Variants in TTN observed in about 807,000 individuals in gnomAD.
TTN encodes the protein titin, also known as connectin.
A neutral mutation model predicts 3,223.0 loss-of-function variants in TTN; 1,525 were observed. The ratio of observed to expected loss-of-function variants is 0.47; its 90% confidence interval spans 0.45 to 0.49. The LOEUF is 0.49. Among genes scored for constraint, TTN ranks in the 20% least tolerant of loss-of-function variants. The pLI, the probability that TTN is intolerant of heterozygous loss-of-function variation, is 0.00. For synonymous variants in TTN, 14,094 were observed against 15,161.0 expected (o/e 0.93, Z 5.17); for missense variants, 40,786 against 43,424.0 (o/e 0.94, Z 5.40).
rs764819788 is a variant in TTN, at chr2:178,780,180, G to A, written c.3549C>T (p.Ser1183=). 13 of 1,613,606 alleles carry A rather than the reference G, an allele frequency of 8.1e-6. No homozygotes were observed. In the African/African-American group the frequency reaches 1.5e-4, roughly 18 times the overall value. Residue 1183 remains serine, a synonymous_variant, in exon 22 of 363, where the codon TCC becomes TCT. Transcript: ENST00000589042. Reference sequence around the variant, plus strand: ...GTGTCTGATAAAGCATTTCTTGCTGGGACTTCATCAGTAACTCATAATCAG... The same window carrying A: ...GTGTCTGATAAAGCATTTCTTGCTGAGACTTCATCAGTAACTCATAATCAG... The part of the protein sequence containing the change: ...EEADYELLMK[S]QQEMLYQTQV...
chr2:178,805,317 C>T (rs1250768518), intron 1 of TTN, among the ~76,000 whole-genome samples: 1 of 142,066 alleles, frequency 7.0e-6, no homozygotes, highest in African/African-American at 2.7e-5. Context: ...ACACTCCAGC[C>T]TGGGTGACAG....
intron 241 of TTN, 90 bp downstream of exon 241, chr2:178,625,183 A>G (rs1383427322): frequency 2.1e-6 from 3 of 1,451,372 alleles, no homozygotes; most frequent in African/African-American, 1.5e-5. Context: ...TTAAACATCT[A>G]TAGTACTCAT....
At position 178,731,550 on chromosome 2, in the gene TTN, G is replaced by C. The variant is rs751087281; in HGVS notation, c.17216C>G (p.Thr5739Ser). Residue 5739 changes from threonine to serine, a missense_variant, in exon 59 of 363, where the codon ACC becomes AGC. By Grantham distance (58) the Thr-to-Ser change is moderately conservative (BLOSUM62 1). Coordinates refer to ENST00000589042, the MANE Select transcript of TTN (RefSeq NM_001267550.2). ...PPSFIKKIES[T>S]SSLRGGTAAF... is the part of the protein sequence containing the mutation. ...AGCTGTGCCTCCCCGGAGGGAGCTG[G>C]TACTCTCGATCTTCTTTATGAAGGA... is the stretch of plus-strand genomic sequence containing the variant. 2 of 1,610,362 alleles carry C rather than the reference G, an allele frequency of 1.2e-6. No homozygotes were observed. The highest frequency in any genetic ancestry group is 2.2e-5 in the South Asian group (2 of 90,812).
chr2:178,555,263 A>G, intron 330 of TTN, 111 bp from the exon 331 acceptor site: 1 of 965,044 alleles, frequency 1.0e-6, no homozygotes, highest in South Asian at 1.6e-5. Flanking sequence ...ATACACACAC[A>G]CCATCATTAT....
chr2:178,589,037 G>T lies in TTN; in HGVS notation c.62688C>A (p.Ile20896=), dbSNP rs1303032825. 1.2e-6 allele frequency: 2 copies of T among 1,609,478 alleles called. No individual in the cohort carries two copies. The highest frequency in any genetic ancestry group is 1.7e-5 in the Admixed American group (1 of 59,904). The change falls in exon 304 of 363, where the codon ATC becomes ATA. Residue 20896 remains isoleucine (I), a synonymous_variant. Coordinates refer to ENST00000589042, the MANE Select transcript of TTN (RefSeq NM_001267550.2). ...CACATTTTTCTAGAATATAATTTTG[G>T]ATTTCACAGCCACCATCATCTTCTG... ...DPPEDDGGCE[I]QNYILEKCET...
At chr2:178,745,524 G>T in intron 47 of TTN, 1 of 1,598,804 alleles carries the variant, frequency 6.3e-7, no homozygotes, top group South Asian at 1.1e-5. Context: ...CACATAATTT[G>T]GAAAATATGA....
chr2:178,700,301 T>A (rs1260650460), intron 111 of TTN, among the ~76,000 whole-genome samples: 1 of 152,230 alleles, frequency 6.6e-6, no homozygotes, highest in Non-Finnish European at 1.5e-5. Context: ...TTGAATTTCC[T>A]CTAAGGCTGG....
intron 147 of TTN, among the ~76,000 whole-genome samples, chr2:178,676,771 G>A (rs973416239): frequency 2.0e-5 from 3 of 151,804 alleles, no homozygotes; most frequent in Non-Finnish European, 4.4e-5. Flanking sequence ...ATTATTCTGT[G>A]TTTTGATAAA....
chr2:178,731,816 T>C lies in TTN; in HGVS notation c.17059A>G (p.Ile5687Val). ...LRSGRKYKTFIQDHLVSLQIL... is the reference protein window; with the variant it reads ...LRSGRKYKTFVQDHLVSLQIL... ...TGCAGGCTAACCAGATGATCCTGAA[T>C]GAAAGTCTTATACTTTCTACCACTT... Residue 5687 changes from isoleucine to valine, a missense_variant, in exon 58 of 363, where the codon ATT becomes GTT. Ile to Val is a conservative substitution (Grantham distance 29). Transcript: ENST00000589042. 1 of 1,613,830 alleles carries C rather than the reference T, an allele frequency of 6.2e-7. No homozygotes were observed.
intron 82 of TTN, 28 bp from the exon 83 acceptor site, chr2:178,719,479 T>C: frequency 1.3e-6 from 2 of 1,596,894 alleles, no homozygotes; most frequent in Non-Finnish European, 1.7e-6. Flanking sequence ...GTTTTGCGTT[T>C]AAAGAGAAGT....
intron 16 of TTN, 78 bp from the exon 17 acceptor site, chr2:178,783,863 T>C: frequency 9.7e-7 from 1 of 1,034,162 alleles, no homozygotes. Flanking sequence ...CATGCAACAT[T>C]ATATAATTAT....
At position 178,571,870 on chromosome 2, in the gene TTN, T is replaced by C. The variant is rs745865847; in HGVS notation, c.74262A>G (p.Val24754=). 1.9e-6 allele frequency: 3 copies of C among 1,613,558 alleles called. No homozygotes were observed. Among genetic ancestry groups the C allele is most frequent in the Non-Finnish European group, 2.5e-6 (3 of 1,179,620 alleles). ...TTACTCTAGTTGTCTGCTTCAGTGG[T>C]ACATTATCTTTATGCCAGGTTACAG... ...TPAVTWHKDN[V]PLKQTTRVNA... is the part of the protein sequence containing the mutation. Residue 24754 remains valine (V), a synonymous_variant, in exon 326 of 363, where the codon GTA becomes GTG. Transcript: ENST00000589042.
At chr2:178,606,946 G>A in intron 278 of TTN, 75 bp downstream of exon 278, 1 of 1,507,888 alleles carries the variant, frequency 6.6e-7, no homozygotes, top group Non-Finnish European at 8.9e-7. Flanking sequence ...GGAGTTTGAA[G>A]CCATAAAGCT....
rs1689014012 is a variant in TTN at position 178,531,295 on chromosome 2, G to A, written c.105320C>T (p.Ala35107Val). 2.5e-6 allele frequency: 4 copies of A among 1,613,898 alleles called. No homozygotes were observed. The highest frequency in any genetic ancestry group is 1.1e-5 in the South Asian group (1 of 91,090). Residue 35107 changes from alanine (A) to valine (V), a missense_variant, in exon 358 of 363, where the codon GCT becomes GTT. Physicochemically the swap from Ala to Val is moderately conservative, Grantham distance 64. Transcript: ENST00000589042. Reference protein sequence around the residue: ...EHSASAEMKSAALEEKSLEEK... With the variant: ...EHSASAEMKSVALEEKSLEEK... Reference sequence around the variant, plus strand: ...TTCCAGTGACTTTTCTTCTAATGCAGCACTTTTCATTTCTGCAGATGCAGA... The same window carrying A: ...TTCCAGTGACTTTTCTTCTAATGCAACACTTTTCATTTCTGCAGATGCAGA...
intron 47 of TTN, chr2:178,749,007 T>A: frequency 6.2e-7 from 1 of 1,612,522 alleles, no homozygotes; most frequent in Non-Finnish European, 8.5e-7. Context: ...ACATGTAATT[T>A]TTCAAATTCG....
rs2078898059 is a variant in TTN, at chr2:178,723,973, CT to C, written c.21285del (p.Asp7096IlefsTer8). ...TTCAACTGCAATGTGCAGACATTAT[CT>C]GAAAATGTGGTTTGGTACTTTGCTC... ...VSGAKYQTTF[S>X]DNVCTLQLNS... On this transcript the variant is annotated frameshift_variant, in exon 73 of 363. Coordinates refer to ENST00000589042, the MANE Select transcript of TTN (RefSeq NM_001267550.2). LOFTEE classifies it high-confidence loss of function. 1 of 1,613,484 alleles carries C rather than the reference CT, an allele frequency of 6.2e-7. No homozygotes were observed. The highest frequency in any genetic ancestry group is 8.5e-7 in the Non-Finnish European group (1 of 1,179,636).
In TTN at chr2:178,589,652, C is replaced by A; in HGVS notation, c.62073G>T (p.Arg20691Ser). Residue 20691 changes from arginine (R) to serine (S), a missense_variant, in exon 304 of 363, where the codon AGG becomes AGT. Physicochemically the swap from Arg to Ser is moderately radical, Grantham distance 110. Coordinates refer to ENST00000589042, the MANE Select transcript of TTN (RefSeq NM_001267550.2). The stretch of plus-strand genomic sequence containing the variant: ...TTGGACTGCCACCATCATAGTCAGG[C>A]CTCCGCCACTTTAGATAGACAAATG... ...GKTFVYLKWR[R>S]PDYDGGSPNL... 1 of 1,613,486 alleles carries A rather than the reference C, an allele frequency of 6.2e-7. No individual in the cohort carries two copies. Among genetic ancestry groups the A allele is most frequent in the Non-Finnish European group, 8.5e-7 (1 of 1,179,610 alleles).
At chr2:178,644,499 C>T in intron 218 of TTN, 49 bp downstream of exon 218, 1 of 1,358,818 alleles carries the variant, frequency 7.4e-7, no homozygotes, top group Non-Finnish European at 9.9e-7. Context: ...AGCAAGGAGT[C>T]AGGTAAAGGG....
chr2:178,799,459 T>A (rs779575448), intron 6 of TTN, 28 bp downstream of exon 6: 1 of 1,613,860 alleles, frequency 6.2e-7, no homozygotes, highest in Non-Finnish European at 8.5e-7. Flanking sequence ...AAATGTGCAA[T>A]AATCTGCTCT....
Sources: gnomAD v4.1 joint callset for allele counts (sites outside exome capture counted in the v4.1 genomes callset) on GRCh38, gnomAD v4.1.1 for gene constraint, MANE v1.5 for transcripts, NCBI Gene and HGNC (gene_info 2026-07-23, HGNC 2026-07-21) for gene names.